CSMD2: variants seen among roughly 807,000 people sequenced by gnomAD.
CSMD2 encodes CUB and sushi domain-containing protein 2.
CSMD2 carries 130 observed loss-of-function variants against 398.5 expected under a neutral mutation model. The observed-to-expected ratio is 0.33, with a 90% confidence interval of 0.28 to 0.38. The LOEUF is 0.38. CSMD2 is among the 10% of genes least tolerant of loss of function. The pLI is 1.00. For missense variants in CSMD2, 3,829 were observed against 4,764.9 expected, an observed-to-expected ratio of 0.80 and a Z score of 5.78; for synonymous variants, 1,828 against 1,908.5, an observed-to-expected ratio of 0.96 and a Z score of 1.10.
rs71647942 is a variant in CSMD2 at position 33,647,289 on chromosome 1, A to G, written c.4587-454T>C. 2.3e-3 allele frequency among the ~76,000 whole-genome samples: 351 copies of G among 152,232 alleles called. 1 individual carries two copies. Among genetic ancestry groups the G allele is most frequent in the Non-Finnish European group, 4.2e-3 (286 of 68,004 alleles). On this transcript the variant is annotated intron_variant, in intron 28 of 70. Transcript: ENST00000373381. ...CTCAGGGAGGAAGGGACCTGTTACC[A>G]TGAAGGACCCTAGCTTTGTGCCTTC...
chr1:33,992,855 C>CGACA (rs1376207923), intron 3 of CSMD2, among the ~76,000 whole-genome samples: 1 of 134,590 alleles, frequency 7.4e-6, no homozygotes, highest in Non-Finnish European at 1.5e-5. Context: ...CCAGCCTGGG[C>CGACA]GACAGAGTGA....
intron 3 of CSMD2, among the ~76,000 whole-genome samples, chr1:33,943,387 C>T (rs879493570): frequency 4.6e-5 from 7 of 152,272 alleles, no homozygotes; most frequent in Non-Finnish European, 8.8e-5. Context: ...TCACCTCCTC[C>T]GTAAAGCCCT....
chr1:33,890,068 CAA>C (rs1641887523), intron 5 of CSMD2, among the ~76,000 whole-genome samples: 1 of 151,560 alleles, frequency 6.6e-6, no homozygotes, highest in Non-Finnish European at 1.5e-5. Context: ...AGAAATGAAT[CAA>C]AATGTTCATG....
intron 3 of CSMD2, among the ~76,000 whole-genome samples, chr1:34,020,238 A>G (rs1648691358): frequency 6.6e-6 from 1 of 152,190 alleles, no homozygotes; most frequent in Admixed American, 6.5e-5. Context: ...AACAGAATGT[A>G]TGGAGGCCCT....
Position 33,636,677 on chromosome 1 carries a change from T to C in CSMD2, c.4775-123A>G. 1.4e-6 allele frequency: 1 copy of C among 713,016 alleles called. No individual in the cohort carries two copies. The highest frequency in any genetic ancestry group is 2.7e-5 in the East Asian group (1 of 36,794). The allele number at this position is 713,016 out of a possible 1,614,324, so 44.2% of individuals were successfully genotyped here. On this transcript the variant is annotated intron_variant, in intron 29 of 70. Transcript: ENST00000373381. The surrounding 1 kb of genome is among the most constrained non-coding windows in gnomAD (Gnocchi z 4.8). ...TAGCCACAGAGCACACGGGGATGCG[T>C]GACTGTGGCTCCTATTCCCCTCAGG...
chr1:34,034,337 G>A (rs1169867217), intron 2 of CSMD2, among the ~76,000 whole-genome samples: 3 of 152,088 alleles, frequency 2.0e-5, no homozygotes, highest in Non-Finnish European at 4.4e-5. Flanking sequence ...AGGGTATGGG[G>A]AAGAGGGAAG....
In CSMD2 at chr1:33,792,407, G is replaced by T; in HGVS notation, c.1550+16C>A. On this transcript the variant is annotated intron_variant, in intron 11 of 70. Transcript: ENST00000373381. ...CACCGTCCCACCTTCCAAACAACAT[G>T]CCCCACTGCACTTACATGTAGAGAA... is the stretch of plus-strand genomic sequence containing the variant. The T allele has an allele frequency of 6.3e-7, 1 of 1,575,158 alleles. No homozygotes were observed. The highest frequency in any genetic ancestry group is 8.7e-7 in the Non-Finnish European group (1 of 1,144,780).
At chr1:33,744,486 G>A (rs1550545) in intron 13 of CSMD2, among the ~76,000 whole-genome samples, 47,925 of 151,784 alleles carry the variant, frequency 0.32, 9,742 homozygotes, top group African/African-American at 0.58. Context: ...TTCACCCTAA[G>A]GATCCACCCT....
chr1:33,558,212 T>C (rs1658218410), intron 54 of CSMD2, among the ~76,000 whole-genome samples: 2 of 151,524 alleles, frequency 1.3e-5, no homozygotes, highest in African/African-American at 2.5e-5. Flanking sequence ...CTGTGACTTG[T>C]TTGAACACAC....
intron 15 of CSMD2, among the ~76,000 whole-genome samples, chr1:33,732,116 G>GTGCACATGCACACACATGTCTGTGTGCA (rs1646739928): frequency 6.6e-6 from 1 of 152,042 alleles, no homozygotes; most frequent in African/African-American, 2.4e-5. Flanking sequence ...GTCTGTGTGC[G>GTGCACATGCACACACATGTCTGTGTGCA]TGCACATGCA....
chr1:33,612,680 TG>T (rs1287371396), intron 40 of CSMD2, among the ~76,000 whole-genome samples: 2 of 127,288 alleles, frequency 1.6e-5, no homozygotes, highest in African/African-American at 3.1e-5. Flanking sequence ...AATTTTGTGA[TG>T]GTTTTTTTTT....
At chr1:33,956,502 G>A (rs1237134887) in intron 3 of CSMD2, among the ~76,000 whole-genome samples, 1 of 152,184 alleles carries the variant, frequency 6.6e-6, no homozygotes, top group Non-Finnish European at 1.5e-5. Context: ...AGGCCATTGT[G>A]TGTCTGCTTT....
At chr1:33,777,094 G>A (rs895548831) in intron 12 of CSMD2, among the ~76,000 whole-genome samples, 1 of 152,164 alleles carries the variant, frequency 6.6e-6, no homozygotes, top group African/African-American at 2.4e-5. Context: ...GGGTTTACAC[G>A]TGGGTGGAAT....
intron 5 of CSMD2, among the ~76,000 whole-genome samples, chr1:33,908,983 A>G (rs1387976395): frequency 1.3e-5 from 2 of 152,226 alleles, no homozygotes; most frequent in African/African-American, 4.8e-5. Flanking sequence ...TGATGTGTCA[A>G]GGAAGGAGAG....
intron 5 of CSMD2, among the ~76,000 whole-genome samples, chr1:33,871,938 T>C (rs1204379740): frequency 2.0e-5 from 3 of 152,124 alleles, no homozygotes; most frequent in African/African-American, 7.2e-5. Context: ...CCAGTCCCAC[T>C]CTTGTGATAA....
chr1:33,587,239 A>G lies in CSMD2; in HGVS notation c.6857-71T>C, dbSNP rs894350928. On this transcript the variant is annotated intron_variant, in intron 44 of 70. Coordinates refer to ENST00000373381, the MANE Select transcript of CSMD2 (RefSeq NM_001281956.2). ...CAGGTACACCGTCATTCATTTGTTC[A>G]ATTCTTCACTTTCTCATCCCTCATT... The G allele has an allele frequency of 2.0e-5, 23 of 1,133,954 alleles. 1 individual carries two copies. The South Asian group carries it at 3.4e-4, about 17-fold the overall frequency. The allele number at this position is 1,133,954 out of a possible 1,614,324, so 70.2% of individuals were successfully genotyped here.
chr1:33,825,922 G>A, intron 6 of CSMD2, 148 bp from the exon 7 acceptor site: 2 of 643,208 alleles, frequency 3.1e-6, no homozygotes, highest in South Asian at 3.9e-5. Flanking sequence ...TCCAAGGGTA[G>A]TGGTCAAGGG....
chr1:34,149,882 G>A (rs1640128404), intron 1 of CSMD2, among the ~76,000 whole-genome samples: 1 of 152,150 alleles, frequency 6.6e-6, no homozygotes, highest in Admixed American at 6.5e-5. Flanking sequence ...GGGCTGACTT[G>A]TGGAGGCAGA....
chr1:33,529,333 A>G (rs965010492), intron 64 of CSMD2, among the ~76,000 whole-genome samples: 1 of 152,112 alleles, frequency 6.6e-6, no homozygotes, highest in Non-Finnish European at 1.5e-5. Flanking sequence ...TTTTTTGTAG[A>G]CATGTAGTCT....
Sources: gnomAD v4.1 joint callset for allele counts (sites outside exome capture counted in the v4.1 genomes callset) on GRCh38, gnomAD v4.1.1 for gene constraint, Gnocchi (gnomAD v3.1) non-coding constraint, MANE v1.5 for transcripts, NCBI Gene and HGNC (gene_info 2026-07-23, HGNC 2026-07-21) for gene names.